LUZP2: variants seen among roughly 807,000 people sequenced by gnomAD.
LUZP2 encodes the protein leucine zipper protein 2.
A neutral mutation model predicts 51.6 loss-of-function variants in LUZP2; 52 were observed. That is an observed-to-expected ratio of 1.01 (90% CI 0.81 to 1.27). The LOEUF is 1.27. LUZP2 is among the 50% of genes most tolerant of loss of function. The pLI is 0.00. For missense variants in LUZP2, 436 were observed against 395.4 expected (o/e 1.10, Z -0.87); for synonymous variants, 154 against 137.3 (o/e 1.12, Z -0.85).
intron 1 of LUZP2, among the ~76,000 whole-genome samples, chr11:24,511,525 A>G (rs1318052768): frequency 3.9e-5 from 6 of 152,212 alleles, no homozygotes; most frequent in African/African-American, 1.4e-4. Context: ...AGATAGGGAC[A>G]GAACTAGGGA....
chr11:24,682,372 G>A (rs1180639754), intron 1 of LUZP2, among the ~76,000 whole-genome samples: 1 of 151,562 alleles, frequency 6.6e-6, no homozygotes, highest in Non-Finnish European at 1.5e-5. Flanking sequence ...GCAAGTGTCT[G>A]TAATCCTAGC....
intron 4 of LUZP2, among the ~76,000 whole-genome samples, chr11:24,742,624 T>A (rs1859224781): frequency 6.6e-6 from 1 of 152,106 alleles, no homozygotes; most frequent in Non-Finnish European, 1.5e-5. Context: ...ATTATGAAGA[T>A]TTTCTTCCAA....
intron 1 of LUZP2, among the ~76,000 whole-genome samples, chr11:24,601,479 T>C (rs1853634712): frequency 6.6e-6 from 1 of 151,912 alleles, no homozygotes; most frequent in Non-Finnish European, 1.5e-5. Flanking sequence ...ATTCTCTTTA[T>C]TGGTTTCTTT....
At chr11:24,559,771 T>G (rs907732329) in intron 1 of LUZP2, among the ~76,000 whole-genome samples, 1 of 152,190 alleles carries the variant, frequency 6.6e-6, no homozygotes, top group African/African-American at 2.4e-5. Context: ...TAGTTGAATT[T>G]AGTGTGAGCA....
intron 1 of LUZP2, among the ~76,000 whole-genome samples, chr11:24,721,136 A>G (rs1279312181): frequency 6.6e-6 from 1 of 152,176 alleles, no homozygotes; most frequent in Non-Finnish European, 1.5e-5. Flanking sequence ...GTGCCTTTGG[A>G]GTGTCACATG....
chr11:25,074,993 A>G (rs1166939746), intron 10 of LUZP2, among the ~76,000 whole-genome samples: 1 of 152,212 alleles, frequency 6.6e-6, no homozygotes, highest in Non-Finnish European at 1.5e-5. Flanking sequence ...TATGCAAATT[A>G]CTTTCTGTAT....
At chr11:24,708,064 AATTGGAATGAGGGTGGAGCAGGTG>A (rs1362099347) in intron 1 of LUZP2, among the ~76,000 whole-genome samples, 1 of 152,124 alleles carries the variant, frequency 6.6e-6, no homozygotes, top group Non-Finnish European at 1.5e-5. Flanking sequence ...GGTAGCAGGT[AATTGGAATGAGGGTGGAGCAGGTG>A]ATTGGAATGT....
intron 1 of LUZP2, among the ~76,000 whole-genome samples, chr11:24,701,808 G>A (rs1452707951): frequency 6.6e-6 from 1 of 152,106 alleles, no homozygotes; most frequent in Non-Finnish European, 1.5e-5. Flanking sequence ...AATTATGGGA[G>A]GCTTTGACCA....
chr11:24,709,503 G>C (rs1857736198), intron 1 of LUZP2, among the ~76,000 whole-genome samples: 1 of 152,060 alleles, frequency 6.6e-6, no homozygotes, highest in Non-Finnish European at 1.5e-5. Flanking sequence ...AGAAAGGGCA[G>C]ATACAATTTC....
intron 7 of LUZP2, among the ~76,000 whole-genome samples, chr11:24,973,819 A>T (rs893478855): frequency 3.3e-5 from 5 of 151,680 alleles, no homozygotes; most frequent in African/African-American, 1.2e-4. Flanking sequence ...ATTTTTAGTT[A>T]TTTTGCATTT....
chr11:24,713,308 C>T (rs1228799598), intron 1 of LUZP2, among the ~76,000 whole-genome samples: 1 of 151,966 alleles, frequency 6.6e-6, no homozygotes, highest in Non-Finnish European at 1.5e-5. Flanking sequence ...GAAAAAACTA[C>T]CTGTGTCATC....
At chr11:24,764,489 CTAAAAAAAAAAA>C (rs1173672448) in intron 5 of LUZP2, among the ~76,000 whole-genome samples, 2 of 56,420 alleles carry the variant, frequency 3.5e-5, no homozygotes, top group Admixed American at 2.1e-4. Context: ...AATCTCATCT[CTAAAAAAAAAAA>C]AAAAAAAAAA....
intron 5 of LUZP2, among the ~76,000 whole-genome samples, chr11:24,846,528 A>G (rs1851205478): frequency 6.6e-6 from 1 of 152,110 alleles, no homozygotes; most frequent in Non-Finnish European, 1.5e-5. Flanking sequence ...AGCTGACCAA[A>G]ACTGATAGAA....
intron 4 of LUZP2, among the ~76,000 whole-genome samples, chr11:24,751,848 T>A (rs1859600379): frequency 6.6e-6 from 1 of 152,090 alleles, no homozygotes; most frequent in Non-Finnish European, 1.5e-5. Context: ...ACAATTTAGT[T>A]AAGCATGTTA....
At chr11:24,602,526 A>G (rs1254417209) in intron 1 of LUZP2, among the ~76,000 whole-genome samples, 1 of 151,190 alleles carries the variant, frequency 6.6e-6, no homozygotes, top group East Asian at 1.9e-4. Flanking sequence ...CTAAGTGAGC[A>G]TTTTCCTATT....
intron 5 of LUZP2, among the ~76,000 whole-genome samples, chr11:24,850,087 G>A (rs925859361): frequency 1.8e-4 from 27 of 152,236 alleles, no homozygotes; most frequent in Middle Eastern, 3.4e-3. Context: ...TGTTCACTTC[G>A]ATGATAGTTT....
intron 5 of LUZP2, among the ~76,000 whole-genome samples, chr11:24,807,327 T>C (rs976299919): frequency 6.6e-5 from 10 of 151,988 alleles, no homozygotes; most frequent in African/African-American, 2.4e-4. Flanking sequence ...CCAGGCGTAG[T>C]GGTGAGTGCC....
intron 5 of LUZP2, among the ~76,000 whole-genome samples, chr11:24,772,002 A>C (rs1860439878): frequency 1.3e-5 from 2 of 152,210 alleles, no homozygotes; most frequent in African/African-American, 2.4e-5. Context: ...GCAGCATGAG[A>C]AGAGGACAAT....
chr11:24,542,381 A>C (rs1181642342), intron 1 of LUZP2, among the ~76,000 whole-genome samples: 1 of 152,108 alleles, frequency 6.6e-6, no homozygotes. Flanking sequence ...GGTCATACCC[A>C]CACCTGATGC....
Sources: allele counts gnomAD v4.1 joint callset (sites outside exome capture counted in the v4.1 genomes callset), GRCh38; gene constraint gnomAD v4.1.1; transcripts MANE v1.5; gene names NCBI Gene and HGNC (gene_info 2026-07-23, HGNC 2026-07-21).